LYRM4: variants seen among roughly 807,000 people sequenced by gnomAD.
The protein encoded by LYRM4 is LYR motif containing 4, also known as LYR motif-containing protein 4.
A neutral mutation model predicts 11.7 loss-of-function variants in LYRM4; 9 were observed. The ratio of observed to expected loss-of-function variants is 0.77; its 90% confidence interval spans 0.46 to 1.34. The LOEUF is 1.34. Among genes scored for constraint, LYRM4 ranks in the 40% most tolerant of loss-of-function variants. The pLI is 0.00. For missense variants in LYRM4, 133 were observed against 112.5 expected (o/e 1.18, Z -0.82); for synonymous variants, 42 against 40.4 (o/e 1.04, Z -0.15).
At chr6:5,057,104 A>T in the LYRM4 span, among the ~76,000 whole-genome samples, 2 of 152,214 alleles carry the variant, frequency 1.3e-5, no homozygotes, top group Non-Finnish European at 2.9e-5. Flanking sequence ...CTTTTGCGGT[A>T]TCAGTGCAAG....
chr6:5,136,549 A>C, intron 2 of LYRM4: 1 of 965,750 alleles, frequency 1.0e-6, no homozygotes, highest in Non-Finnish European at 1.2e-6. Flanking sequence ...ATTTTACATA[A>C]GTTAGATGGT....
intron 2 of LYRM4, among the ~76,000 whole-genome samples, chr6:5,198,215 A>G (rs1761181726): frequency 6.6e-6 from 1 of 152,170 alleles, no homozygotes; most frequent in South Asian, 2.1e-4. Context: ...AAAAAAGAAA[A>G]GAGAAAGGGA....
chr6:5,109,517 C>A, intron 2 of LYRM4, 26 bp from the exon 3 acceptor site: 1 of 1,608,384 alleles, frequency 6.2e-7, no homozygotes, highest in South Asian at 1.1e-5. Context: ...GGACACAGGT[C>A]AGGAACCGTG....
chr6:5,245,104 AAAAAAAAAAATATATATATAT>A lies in LYRM4; in HGVS notation c.86+15523_86+15543del, dbSNP rs1218704539. ...AGGAAGACCTTAAAAAAAAAAAAAA[AAAAAAAAAAATATATATATAT>A]ATATATATATATATATATATATATA... is the stretch of plus-strand genomic sequence containing the variant. On this transcript the variant is annotated intron_variant, in intron 1 of 2. Coordinates refer to ENST00000330636, the MANE Select transcript of LYRM4 (RefSeq NM_020408.6). Among the ~76,000 whole-genome samples, 29 of 57,086 alleles carry A rather than the reference AAAAAAAAAAATATATATATAT, an allele frequency of 5.1e-4. 1 individual carries two copies. Among genetic ancestry groups the A allele is most frequent in the African/African-American group, 1.7e-3 (26 of 15,422 alleles). 37.5% of individuals were successfully genotyped at this position (57,086 alleles called of 152,430 possible).
the LYRM4 span, among the ~76,000 whole-genome samples, chr6:5,062,107 T>G: frequency 7.1e-6 from 1 of 140,370 alleles, no homozygotes; most frequent in Non-Finnish European, 1.5e-5. Flanking sequence ...TTTTTTGAGA[T>G]AGGGTCTCGC....
chr6:5,132,319 T>C (rs528836910), intron 2 of LYRM4, among the ~76,000 whole-genome samples: 2 of 152,342 alleles, frequency 1.3e-5, no homozygotes, highest in East Asian at 3.9e-4. Context: ...CCAGAGAAAC[T>C]GAGTAACCTG....
chr6:5,138,487 CAAAAAAAAA>C (rs765741377), intron 2 of LYRM4, among the ~76,000 whole-genome samples: 185 of 49,704 alleles, frequency 3.7e-3, no homozygotes, highest in Non-Finnish European at 4.8e-3. Context: ...ACCCTGTCTC[CAAAAAAAAA>C]AAAAAAAAAA....
the LYRM4 span, among the ~76,000 whole-genome samples, chr6:5,079,251 GTAAC>G: frequency 1.3e-5 from 2 of 152,220 alleles, no homozygotes; most frequent in Non-Finnish European, 2.9e-5. Flanking sequence ...CTGTCAGAAA[GTAAC>G]TAGGAAATAT....
intron 2 of LYRM4, among the ~76,000 whole-genome samples, chr6:5,157,527 A>G (rs1758488852): frequency 6.6e-6 from 1 of 151,638 alleles, no homozygotes; most frequent in Non-Finnish European, 1.5e-5. Context: ...AAAAAAAAAG[A>G]AGACTGAAAT....
chr6:5,202,231 T>C (rs1761431743), intron 2 of LYRM4, among the ~76,000 whole-genome samples: 1 of 152,274 alleles, frequency 6.6e-6, no homozygotes. Context: ...ATTTTCAGCA[T>C]GTCTGAATTC....
the LYRM4 span, among the ~76,000 whole-genome samples, chr6:5,044,116 G>GT: frequency 0.67 from 101,483 of 151,150 alleles, 36,640 homozygotes; most frequent in East Asian, 0.95. Context: ...TTTTTGTGGG[G>GT]TTTTTTTTGT....
At chr6:5,217,771 G>A (rs1213303741) in intron 1 of LYRM4, among the ~76,000 whole-genome samples, 1 of 152,200 alleles carries the variant, frequency 6.6e-6, no homozygotes, top group Non-Finnish European at 1.5e-5. Flanking sequence ...AGCCACAACA[G>A]ACAGCTCAGC....
intron 2 of LYRM4, among the ~76,000 whole-genome samples, chr6:5,200,138 AT>A (rs1376811034): frequency 6.6e-6 from 1 of 152,198 alleles, no homozygotes; most frequent in African/African-American, 2.4e-5. Context: ...CCTGCTATAA[AT>A]ATATAGGACA....
rs556200787 is a variant in LYRM4, at chr6:5,190,523, A to G, written c.207+26095T>C. Among the ~76,000 whole-genome samples the G allele has an allele frequency of 2.0e-5, 3 of 152,368 alleles. No individual in the cohort carries two copies. The East Asian group carries it at 5.8e-4, about 29-fold the overall frequency. ...ACAGGAGGGACACACACATGCAGGC[A>G]TGCAGAGCGTGATAACTTGACTATC... On this transcript the variant is annotated intron_variant, in intron 2 of 2. Transcript: ENST00000330636.
the LYRM4 span, among the ~76,000 whole-genome samples, chr6:5,038,705 A>G: frequency 0.015 from 904 of 59,620 alleles, 299 homozygotes; most frequent in African/African-American, 0.037. Flanking sequence ...CCAACACAGC[A>G]AAACCCCGTC....
chr6:5,200,318 C>A (rs77857650), intron 2 of LYRM4, among the ~76,000 whole-genome samples: 1 of 152,128 alleles, frequency 6.6e-6, no homozygotes, highest in Non-Finnish European at 1.5e-5. Flanking sequence ...CTCTCGAGGA[C>A]ATGTCTCTGG....
intron 2 of LYRM4, among the ~76,000 whole-genome samples, chr6:5,144,642 A>G (rs1325896414): frequency 1.3e-5 from 2 of 151,272 alleles, no homozygotes; most frequent in Non-Finnish European, 3.0e-5. Flanking sequence ...AAAAAAAAAA[A>G]AAAAAAAAAA....
At chr6:5,189,689 T>A (rs1248177111) in intron 2 of LYRM4, among the ~76,000 whole-genome samples, 1 of 152,192 alleles carries the variant, frequency 6.6e-6, no homozygotes, top group African/African-American at 2.4e-5. Context: ...AGCTTTTAAA[T>A]TTGTCTACGA....
chr6:5,142,979 C>T (rs753324841), intron 2 of LYRM4, among the ~76,000 whole-genome samples: 4 of 152,220 alleles, frequency 2.6e-5, no homozygotes, highest in Middle Eastern at 3.2e-3. Flanking sequence ...CATCAGCACT[C>T]CTATATCCTT....
Sources: allele counts gnomAD v4.1 joint callset (sites outside exome capture counted in the v4.1 genomes callset), GRCh38; gene constraint gnomAD v4.1.1; transcripts MANE v1.5; gene names NCBI Gene and HGNC (gene_info 2026-07-23, HGNC 2026-07-21).